MARCHF1: variants seen among roughly 807,000 people sequenced by gnomAD.
The protein encoded by MARCHF1 is E3 ubiquitin-protein ligase MARCHF1.
MARCHF1 carries 40 observed loss-of-function variants against 54.2 expected under a neutral mutation model. The ratio of observed to expected loss-of-function variants is 0.74; its 90% CI spans 0.57 to 0.96. MARCHF1 has a LOEUF of 0.96. MARCHF1 is among the 40% of genes least tolerant of loss of function. The probability of loss-of-function intolerance (pLI) is 0.00; values close to 1 mark genes in which losing one functional copy is unlikely to be tolerated. For synonymous variants in MARCHF1, 236 were observed against 236.3 expected (o/e 1.00, Z 0.01); for missense variants, 586 against 656.5 (o/e 0.89, Z 1.17).
At chr4:164,297,179 A>C (rs1359666701) in intron 1 of MARCHF1, among the ~76,000 whole-genome samples, 4 of 152,232 alleles carry the variant, frequency 2.6e-5, no homozygotes, top group African/African-American at 9.6e-5. Flanking sequence ...GCAAACAATA[A>C]GGAAAATTTA....
intron 4 of MARCHF1, among the ~76,000 whole-genome samples, chr4:163,813,252 C>A (rs1748443773): frequency 6.6e-6 from 1 of 152,156 alleles, no homozygotes; most frequent in African/African-American, 2.4e-5. Context: ...GGTAGAGGAG[C>A]TAAAATTCAA....
intron 1 of MARCHF1, among the ~76,000 whole-genome samples, chr4:164,115,529 A>G (rs182933188): frequency 3.3e-4 from 51 of 152,244 alleles, no homozygotes; most frequent in African/African-American, 1.2e-3. Context: ...GTGAAAGAAT[A>G]TTTATTCAGA....
chr4:163,684,095 A>G (rs1744193643), intron 5 of MARCHF1, among the ~76,000 whole-genome samples: 3 of 152,140 alleles, frequency 2.0e-5, no homozygotes, highest in African/African-American at 7.2e-5. Flanking sequence ...GAGTTGTATC[A>G]CCATTTATGA....
At chr4:163,926,438 G>T (rs1050065009) in intron 3 of MARCHF1, among the ~76,000 whole-genome samples, 1 of 151,430 alleles carries the variant, frequency 6.6e-6, no homozygotes, top group Non-Finnish European at 1.5e-5. Flanking sequence ...TAATATTGCT[G>T]CTAGGAAGAT....
intron 3 of MARCHF1, among the ~76,000 whole-genome samples, chr4:163,880,583 T>C (rs1393460042): frequency 6.6e-6 from 1 of 151,782 alleles, no homozygotes; most frequent in Non-Finnish European, 1.5e-5. Flanking sequence ...GTAAATATTT[T>C]GCTGAAGTGA....
At chr4:164,182,556 C>T (rs1730859432) in intron 1 of MARCHF1, among the ~76,000 whole-genome samples, 1 of 151,616 alleles carries the variant, frequency 6.6e-6, no homozygotes, top group Admixed American at 6.6e-5. Context: ...TACATGTATC[C>T]ATAACATATA....
chr4:164,368,927 T>A (rs1172154367), intron 1 of MARCHF1, among the ~76,000 whole-genome samples: 1 of 152,212 alleles, frequency 6.6e-6, no homozygotes, highest in Non-Finnish European at 1.5e-5. Flanking sequence ...TGGTACAAAA[T>A]GTCTATTAGA....
At chr4:164,118,528 TATATA>T (rs1371936628) in intron 1 of MARCHF1, among the ~76,000 whole-genome samples, 1 of 151,070 alleles carries the variant, frequency 6.6e-6, no homozygotes, top group Non-Finnish European at 1.5e-5. Flanking sequence ...AAAACAGTAA[TATATA>T]ATATAATACA....
At chr4:164,143,027 A>C (rs1453645352) in intron 1 of MARCHF1, among the ~76,000 whole-genome samples, 1 of 150,206 alleles carries the variant, frequency 6.7e-6, no homozygotes, top group Non-Finnish European at 1.5e-5. Context: ...TGAAGAATGC[A>C]GAAGCCTCAG....
At chr4:164,300,627 G>A (rs766325578) in intron 1 of MARCHF1, among the ~76,000 whole-genome samples, 1 of 152,052 alleles carries the variant, frequency 6.6e-6, no homozygotes, top group Non-Finnish European at 1.5e-5. Context: ...CTGAAGCCGT[G>A]ACCTCCTGGG....
At chr4:163,843,581 G>A (rs941419037) in intron 4 of MARCHF1, among the ~76,000 whole-genome samples, 1 of 151,828 alleles carries the variant, frequency 6.6e-6, no homozygotes, top group Admixed American at 6.6e-5. Context: ...AGGATGCGCA[G>A]GTTTGTTACA....
intron 2 of MARCHF1, among the ~76,000 whole-genome samples, chr4:164,110,379 G>C (rs1351585591): frequency 1.3e-5 from 2 of 151,558 alleles, no homozygotes; most frequent in Non-Finnish European, 1.5e-5. Context: ...GTTAAAATTT[G>C]TCTTTCTAAA....
intron 5 of MARCHF1, among the ~76,000 whole-genome samples, chr4:163,663,316 T>A (rs9992197): frequency 0.74 from 111,901 of 150,880 alleles, 42,166 homozygotes; most frequent in African/African-American, 0.89. Flanking sequence ...ACTGACACCC[T>A]TGCCACTAGA....
At chr4:164,245,762 C>A (rs929045626) in intron 1 of MARCHF1, among the ~76,000 whole-genome samples, 7 of 141,524 alleles carry the variant, frequency 4.9e-5, no homozygotes, top group Non-Finnish European at 1.1e-4. Flanking sequence ...TCTCAGGATA[C>A]AAAATCAATG....
chr4:163,626,363 GTTGCTTCC>G (rs1741871566), intron 5 of MARCHF1, among the ~76,000 whole-genome samples: 4 of 152,162 alleles, frequency 2.6e-5, no homozygotes, highest in Admixed American at 2.6e-4. Context: ...TTCTAAAGTG[GTTGCTTCC>G]TGGTGCCCTG....
intron 3 of MARCHF1, among the ~76,000 whole-genome samples, chr4:163,975,744 T>C (rs750411319): frequency 6.6e-6 from 1 of 152,188 alleles, no homozygotes; most frequent in Non-Finnish European, 1.5e-5. Flanking sequence ...TATTGAACAA[T>C]ATGGATTCTG....
intron 1 of MARCHF1, among the ~76,000 whole-genome samples, chr4:164,117,163 C>G (rs1755955288): frequency 6.6e-6 from 1 of 151,944 alleles, no homozygotes; most frequent in African/African-American, 2.4e-5. Flanking sequence ...GAGGCTGAGA[C>G]AGGAGAATCG....
intron 4 of MARCHF1, among the ~76,000 whole-genome samples, chr4:163,717,266 G>C (rs13124400): frequency 6.7e-6 from 1 of 149,848 alleles, no homozygotes; most frequent in African/African-American, 2.5e-5. Context: ...TTGTCCTTGC[G>C]ATAGTTTGCT....
chr4:164,337,123 A>G (rs1729761780), intron 1 of MARCHF1, among the ~76,000 whole-genome samples: 1 of 152,162 alleles, frequency 6.6e-6, no homozygotes, highest in Admixed American at 6.5e-5. Flanking sequence ...AGTACTTGAT[A>G]CTGAATATAT....
Sources: gnomAD v4.1 joint callset for allele counts (sites outside exome capture counted in the v4.1 genomes callset) on GRCh38, gnomAD v4.1.1 for gene constraint, MANE v1.5 for transcripts, NCBI Gene and HGNC (gene_info 2026-07-23, HGNC 2026-07-21) for gene names.